EFNA5: variants seen among roughly 807,000 people sequenced by gnomAD.
EFNA5 encodes ephrin A5, also known as ephrin-A5.
Under a neutral mutation model 22.9 loss-of-function variants are expected in EFNA5, and 5 were observed. The observed-to-expected ratio is 0.22, with a 90% CI of 0.11 to 0.46. The LOEUF (loss-of-function observed/expected upper bound fraction) is 0.46. EFNA5 is among the 20% of genes least tolerant of loss of function. The pLI, the probability that EFNA5 is intolerant of heterozygous loss-of-function variation, is 0.99. For synonymous variants in EFNA5, 113 were observed against 112.2 expected (o/e 1.01, Z -0.04); for missense variants, 237 against 293.3 (o/e 0.81, Z 1.40).
At chr5:107,469,140 C>G (rs1246149704) in intron 1 of EFNA5, among the ~76,000 whole-genome samples, 1 of 152,112 alleles carries the variant, frequency 6.6e-6, no homozygotes, top group African/African-American at 2.4e-5. Context: ...ATGGTAGCAG[C>G]ACAACATTCA....
intron 1 of EFNA5, among the ~76,000 whole-genome samples, chr5:107,583,247 T>C (rs1267760985): frequency 6.6e-6 from 1 of 152,140 alleles, no homozygotes; most frequent in African/African-American, 2.4e-5. Context: ...AAATAGAGCA[T>C]CCTAAGAGAA....
At chr5:107,577,817 A>G (rs1258675966) in intron 1 of EFNA5, among the ~76,000 whole-genome samples, 1 of 152,170 alleles carries the variant, frequency 6.6e-6, no homozygotes, top group Non-Finnish European at 1.5e-5. Context: ...TCAAAAGTTT[A>G]ATTATATCAC....
intron 2 of EFNA5, among the ~76,000 whole-genome samples, chr5:107,405,761 A>C (rs888852035): frequency 2.6e-5 from 4 of 151,972 alleles, no homozygotes; most frequent in African/African-American, 9.7e-5. Flanking sequence ...TCAGAGTGAA[A>C]TCCCAGATCC....
In EFNA5 at chr5:107,654,287, T is replaced by C. The variant is rs1446864834; in HGVS notation, c.125+16202A>G. On this transcript the variant is annotated intron_variant, in intron 1 of 4. Coordinates refer to ENST00000333274, the MANE Select transcript of EFNA5 (RefSeq NM_001962.3). ...TGTTGACATAAATATAGACAGACCT[T>C]CTATATTAAATATGAAACTACTTAA... 2.6e-5 allele frequency among the ~76,000 whole-genome samples: 4 copies of C among 152,232 alleles called. No individual in the cohort carries two copies. The East Asian group carries it at 5.8e-4, about 22-fold the overall frequency.
rs572322890 is a variant in EFNA5 at position 107,525,659 on chromosome 5, G to A, written c.126-98150C>T. Among the ~76,000 whole-genome samples, 513 of 152,158 alleles carry A rather than the reference G, an allele frequency of 3.4e-3. 12 individuals carry two copies. Among genetic ancestry groups the A allele is most frequent in the South Asian group, 0.01 (49 of 4,826 alleles). ...TGTTTACTATTCATTAAGTGGAAGT[G>A]GATTATCATAAGTTTTCATTCTCAT... On this transcript the variant is annotated intron_variant, in intron 1 of 4. Transcript: ENST00000333274.
At chr5:107,554,786 C>T (rs1748372975) in intron 1 of EFNA5, among the ~76,000 whole-genome samples, 1 of 152,096 alleles carries the variant, frequency 6.6e-6, no homozygotes, top group Non-Finnish European at 1.5e-5. Flanking sequence ...GATAGGAAAA[C>T]CGAGTCTTAA....
intron 1 of EFNA5, among the ~76,000 whole-genome samples, chr5:107,440,465 C>A (rs772269006): frequency 1.2e-4 from 18 of 152,112 alleles, no homozygotes; most frequent in Non-Finnish European, 2.5e-4. Flanking sequence ...TTGGTATTGC[C>A]AGAAGCTCTG....
intron 1 of EFNA5, among the ~76,000 whole-genome samples, chr5:107,667,450 G>A (rs1389615803): frequency 2.0e-5 from 3 of 152,026 alleles, no homozygotes; most frequent in African/African-American, 7.2e-5. Context: ...AGGCAGTAAT[G>A]AAACTCCATG....
chr5:107,663,836 T>C (rs1751016546), intron 1 of EFNA5, among the ~76,000 whole-genome samples: 1 of 152,180 alleles, frequency 6.6e-6, no homozygotes, highest in Admixed American at 6.5e-5. Context: ...AAACGTATTT[T>C]TATTCCTCAC....
Position 107,387,680 on chromosome 5 carries a change from T to A in EFNA5, c.484+26A>T, listed in dbSNP as rs750378964. 3 of 1,582,386 alleles carry A rather than the reference T, an allele frequency of 1.9e-6. No homozygotes were observed. In the African/African-American group the frequency reaches 4.1e-5, roughly 21 times the overall value. ...TAAAGCATGCGCGGTGAAGCCACCC[T>A]CTGAAGCTCATTCTAGTGAACTTAC... On this transcript the variant is annotated intron_variant, in intron 3 of 4. Transcript: ENST00000333274.
At chr5:107,645,895 A>C (rs1750625485) in intron 1 of EFNA5, among the ~76,000 whole-genome samples, 1 of 152,214 alleles carries the variant, frequency 6.6e-6, no homozygotes, top group Middle Eastern at 3.2e-3. Flanking sequence ...TGTGGCCTGA[A>C]GCCGTCACCT....
At chr5:107,420,312 A>C (rs1748619035) in intron 2 of EFNA5, among the ~76,000 whole-genome samples, 1 of 152,132 alleles carries the variant, frequency 6.6e-6, no homozygotes, top group South Asian at 2.1e-4. Flanking sequence ...TGGATTACTG[A>C]AGTTGTTATT....
intron 1 of EFNA5, among the ~76,000 whole-genome samples, chr5:107,573,116 T>C (rs552195249): frequency 6.6e-6 from 1 of 152,290 alleles, no homozygotes; most frequent in East Asian, 1.9e-4. Context: ...TTAGTTCACA[T>C]TATCTGCCCT....
At chr5:107,577,868 G>A (rs1748958142) in intron 1 of EFNA5, among the ~76,000 whole-genome samples, 1 of 152,156 alleles carries the variant, frequency 6.6e-6, no homozygotes, top group Non-Finnish European at 1.5e-5. Context: ...TCCACAGGAG[G>A]GATAAACCTT....
intron 2 of EFNA5, among the ~76,000 whole-genome samples, chr5:107,404,020 T>C (rs1221203021): frequency 6.6e-6 from 1 of 152,246 alleles, no homozygotes; most frequent in African/African-American, 2.4e-5. Context: ...TCATATAGCT[T>C]ATTTCAGATG....
chr5:107,418,426 T>C (rs890081436), intron 2 of EFNA5, among the ~76,000 whole-genome samples: 1 of 152,228 alleles, frequency 6.6e-6, no homozygotes, highest in Non-Finnish European at 1.5e-5. Flanking sequence ...ATTATTTCTT[T>C]AGGAGATGCA....
chr5:107,475,748 A>G (rs1203799646), intron 1 of EFNA5, among the ~76,000 whole-genome samples: 1 of 151,898 alleles, frequency 6.6e-6, no homozygotes, highest in African/African-American at 2.4e-5. Flanking sequence ...CAATCTGATT[A>G]CATATTTCTC....
At chr5:107,591,013 A>G (rs1385626502) in intron 1 of EFNA5, among the ~76,000 whole-genome samples, 1 of 152,052 alleles carries the variant, frequency 6.6e-6, no homozygotes, top group African/African-American at 2.4e-5. Flanking sequence ...ATATTTTACT[A>G]CCATCTGTTG....
chr5:107,494,240 G>C (rs892549743), intron 1 of EFNA5, among the ~76,000 whole-genome samples: 1 of 152,138 alleles, frequency 6.6e-6, no homozygotes, highest in Non-Finnish European at 1.5e-5. Flanking sequence ...TTGCAGGGAG[G>C]TGTGGAGGCG....
Sources: gnomAD v4.1 joint callset for allele counts (sites outside exome capture counted in the v4.1 genomes callset) on GRCh38, gnomAD v4.1.1 for gene constraint, MANE v1.5 for transcripts, NCBI Gene and HGNC (gene_info 2026-07-23, HGNC 2026-07-21) for gene names.